The following XG variants were observed in gnomAD, a reference collection of about 807,000 sequenced individuals.
XG encodes the protein glycoprotein Xg.
A neutral mutation model predicts 25.7 loss-of-function variants in XG; 24 were observed. The ratio of observed to expected loss-of-function variants is 0.93; its 90% CI spans 0.68 to 1.31. XG has a LOEUF of 1.31. Among genes scored for constraint, XG ranks in the 40% most tolerant of loss-of-function variants. The probability of loss-of-function intolerance (pLI) is 0.00; values close to 1 mark genes in which losing one functional copy is unlikely to be tolerated. For synonymous variants in XG, 77 were observed against 69.2 expected, an observed-to-expected ratio of 1.11 and a Z score of -0.56; for missense variants, 181 against 187.6, an observed-to-expected ratio of 0.96 and a Z score of 0.21.
intron 2 of XG, among the ~76,000 whole-genome samples, chrX:2,771,014 T>TTTTTTTC (rs1426764691): frequency 6.6e-6 from 1 of 151,964 alleles, no homozygotes; most frequent in Non-Finnish European, 1.5e-5. Flanking sequence ...GCCAAGCTAA[T>TTTTTTTC]TTTTTTCTTT....
At position 2,763,998 on chromosome X, in the gene XG, G is replaced by A. The variant is rs138570136; in HGVS notation, c.62-6552G>A. 8.5e-4 allele frequency among the ~76,000 whole-genome samples: 130 copies of A among 152,282 alleles called. 1 individual carries two copies. The East Asian group carries it at 0.023, about 27-fold the overall frequency. ...TCCCGGATGGTCAAGGCATTCTAAG[G>A]CACAGGATGAGATAGGAGGTTGACA... On this transcript the variant is annotated intron_variant, in intron 1 of 10. Coordinates refer to ENST00000644266, the MANE Select transcript of XG (RefSeq NM_001141919.2).
chrX:2,752,284 T>A lies in XG; in HGVS notation c.10T>A (p.Trp4Arg). The change falls in exon 1 of 11, where the codon TGG (tryptophan) becomes AGG (arginine). Residue 4 changes from tryptophan to arginine, a missense_variant. Transcript: ENST00000644266. ...CATCCTGAAGCAAACCATGGAGAGCTGGTGGGGACTTCCCTGTCTTGCGTT... is the reference window on the plus strand; with the variant it reads ...CATCCTGAAGCAAACCATGGAGAGCAGGTGGGGACTTCCCTGTCTTGCGTT... MES[W>R]WGLPCLAFLC... is the part of the protein sequence containing the mutation. 6.2e-7 allele frequency: 1 copy of A among 1,613,866 alleles called. No homozygotes were observed. Among genetic ancestry groups the A allele is most frequent in the Non-Finnish European group, 8.5e-7 (1 of 1,179,834 alleles).
intron 2 of XG, among the ~76,000 whole-genome samples, chrX:2,772,704 A>G (rs1310331733): frequency 2.0e-5 from 3 of 152,242 alleles, no homozygotes; most frequent in Non-Finnish European, 4.4e-5. Flanking sequence ...CAAATTTTAT[A>G]TGTGAGTTTC....
intron 8 of XG, among the ~76,000 whole-genome samples, chrX:2,807,018 TCA>T (rs2087004346): frequency 1.8e-5 from 2 of 112,743 alleles, no homozygotes; most frequent in East Asian, 2.8e-4. Flanking sequence ...ACATATGTGT[TCA>T]CACACAGGTA....
At chrX:2,797,786 C>T (rs1290744221) in intron 7 of XG, among the ~76,000 whole-genome samples, 1 of 111,325 alleles carries the variant, frequency 9.0e-6, no homozygotes, top group Non-Finnish European at 1.9e-5. Flanking sequence ...AATCCCAGCA[C>T]TTTGGGAGGC....
intron 1 of XG, among the ~76,000 whole-genome samples, chrX:2,757,971 CAAAAAAAAA>C (rs59540338): frequency 1.3e-3 from 117 of 88,644 alleles, no homozygotes; most frequent in African/African-American, 4.7e-3. Flanking sequence ...GACTCCATCT[CAAAAAAAAA>C]AAAAAAAAAA....
chrX:2,770,525 C>T (rs985764666), intron 1 of XG, 25 bp from the exon 2 acceptor site: 3 of 1,613,734 alleles, frequency 1.9e-6, no homozygotes, highest in Non-Finnish European at 2.5e-6. Flanking sequence ...CATGGGGTGA[C>T]TTATGCCCTG....
At chrX:2,761,889 CT>C (rs1176766679) in intron 1 of XG, among the ~76,000 whole-genome samples, 1 of 152,224 alleles carries the variant, frequency 6.6e-6, no homozygotes, top group Non-Finnish European at 1.5e-5. Flanking sequence ...GTTGTTTAAG[CT>C]GCCCAGTCTT....
intron 7 of XG, 72 bp from the exon 8 acceptor site, chrX:2,806,629 C>A (rs2087000336): frequency 1.0e-5 from 10 of 965,131 alleles, no homozygotes; most frequent in Non-Finnish European, 1.4e-5. Flanking sequence ...TGCTGACCTG[C>A]TTGCTTCTGT....
At chrX:2,785,563 CA>C (rs1239949704) in intron 4 of XG, among the ~76,000 whole-genome samples, 1 of 111,025 alleles carries the variant, frequency 9.0e-6, no homozygotes, top group Non-Finnish European at 1.9e-5. Flanking sequence ...TTTGGGGTCC[CA>C]AGATTTATTT....
At chrX:2,753,827 C>T (rs2050380383) in intron 1 of XG, among the ~76,000 whole-genome samples, 2 of 152,194 alleles carry the variant, frequency 1.3e-5, no homozygotes, top group African/African-American at 2.4e-5. Flanking sequence ...GGTGATCCAC[C>T]GGCCTCCCAA....
At chrX:2,803,697 A>G (rs942351412) in intron 7 of XG, among the ~76,000 whole-genome samples, 1 of 110,819 alleles carries the variant, frequency 9.0e-6, no homozygotes, top group East Asian at 2.8e-4. Flanking sequence ...CAGCTGATCC[A>G]TCCAGTGCAG....
intron 5 of XG, among the ~76,000 whole-genome samples, chrX:2,791,838 A>G (rs1265934176): frequency 9.1e-6 from 1 of 110,219 alleles, no homozygotes; most frequent in Non-Finnish European, 1.9e-5. Flanking sequence ...TTACCGCTAC[A>G]TCCCTTCATC....
chrX:2,783,747 G>A (rs775012523), intron 4 of XG, among the ~76,000 whole-genome samples: 23 of 112,824 alleles, frequency 2.0e-4, no homozygotes, highest in Non-Finnish European at 2.8e-4. Flanking sequence ...GGCCGAGGCG[G>A]GCAGATCACC....
rs560847330 is a variant in XG, at chrX:2,787,673, G to A, written c.191-1971G>A. 7.3e-5 allele frequency among the ~76,000 whole-genome samples: 8 copies of A among 110,298 alleles called. No homozygotes were observed. In the South Asian group the frequency reaches 2.4e-3, roughly 33 times the overall value. ...TGTAATCCCAGCCCTTTCAGAGGCC[G>A]ACGTGGGTGGATCACCTGAAGTCAG... On this transcript the variant is annotated intron_variant, in intron 4 of 10. Transcript: ENST00000644266.
At chrX:2,770,874 C>A (rs2050803139) in intron 2 of XG, among the ~76,000 whole-genome samples, 1 of 152,006 alleles carries the variant, frequency 6.6e-6, no homozygotes, top group African/African-American at 2.4e-5. Flanking sequence ...AGATGGGAGT[C>A]TCGTTCTGAT....
At chrX:2,774,422 C>CCTTGTG (rs2050929383) in intron 2 of XG, among the ~76,000 whole-genome samples, 1 of 151,174 alleles carries the variant, frequency 6.6e-6, no homozygotes, top group Admixed American at 6.6e-5. Context: ...CACCGTCCAG[C>CCTTGTG]CCTGTGGTGG....
chrX:2,762,036 T>C (rs960073269), intron 1 of XG, among the ~76,000 whole-genome samples: 38 of 152,176 alleles, frequency 2.5e-4, no homozygotes, highest in African/African-American at 8.9e-4. Context: ...ACAGACCTGC[T>C]GAAGCATAGT....
In XG at chrX:2,775,966, AAAAAAAG is replaced by A. The variant is rs1237565193; in HGVS notation, c.127+1232_127+1238del. The stretch of plus-strand genomic sequence containing the variant: ...GTGAGATTCCGTCTCAAAAAAAAAA[AAAAAAAG>A]AAAAGAAAAGAAAAGAAAAAGAAAT... On this transcript the variant is annotated intron_variant, in intron 3 of 10. Transcript: ENST00000644266. 8.8e-3 allele frequency among the ~76,000 whole-genome samples: 1,107 copies of A among 126,158 alleles called. 14 individuals carry two copies. The highest frequency in any genetic ancestry group is 0.031 in the African/African-American group (994 of 32,572). The allele number at this position is 126,158 out of a possible 152,430, so 82.8% of individuals were successfully genotyped here.
Sources: gnomAD v4.1 joint callset for allele counts (sites outside exome capture counted in the v4.1 genomes callset) on GRCh38, gnomAD v4.1.1 for gene constraint, MANE v1.5 for transcripts, NCBI Gene and HGNC (gene_info 2026-07-23, HGNC 2026-07-21) for gene names.